SCARF2: variants seen among roughly 807,000 people sequenced by gnomAD.
SCARF2 encodes scavenger receptor expressed by endothelial cells 2 protein.
SCARF2 carries 39 observed loss-of-function variants against 73.4 expected under a neutral mutation model. The ratio of observed to expected loss-of-function variants is 0.53; its 90% CI spans 0.41 to 0.69. SCARF2 has a LOEUF of 0.69. SCARF2 is among the 30% of genes least tolerant of loss of function. SCARF2 has a pLI of 0.00. For synonymous variants in SCARF2, 605 were observed against 590.0 expected (o/e 1.03, Z -0.37); for missense variants, 1,148 against 1,303.5 (o/e 0.88, Z 1.84).
At chr22:20,426,702 C>T (rs574917040) in intron 10 of SCARF2, among the ~76,000 whole-genome samples, 3 of 151,778 alleles carry the variant, frequency 2.0e-5, no homozygotes, top group South Asian at 2.1e-4. Flanking sequence ...TGGGAGGCTG[C>T]GGTCACCTGA....
chr22:20,425,390 G>A lies in SCARF2; in HGVS notation c.2586C>T (p.Gly862=). 1.4e-6 allele frequency: 2 copies of A among 1,419,658 alleles called. No individual in the cohort carries two copies. The highest frequency in any genetic ancestry group is 1.4e-5 in the South Asian group (1 of 69,246). 87.9% of individuals were successfully genotyped at this position (1,419,658 alleles called of 1,614,324 possible). A position where few individuals can be genotyped will look rare whatever the true frequency, so the allele number is the denominator to read the frequency against. Residue 862 remains glycine (G), a synonymous_variant, in exon 11 of 11, where the codon GGC becomes GGT. Coordinates refer to ENST00000622235, the MANE Select transcript of SCARF2 (RefSeq NM_182895.5). The surrounding 1 kb of genome is among the most constrained non-coding windows in gnomAD (Gnocchi z 4.6). ...CCACAGCCTGCTACAGGGTGGGTGC[G>A]CCCGCCCTGCCCAGCTCGCCCGCCG... The part of the protein sequence containing the change: ...REAAGELGRA[G]APTL
At position 20,429,983 on chromosome 22, in the gene SCARF2, C is replaced by T; in HGVS notation, c.1203-150G>A. Reference sequence around the variant, plus strand: ...TCGTCGTCTAGGGATTGAAGCCCCGCCCCGCCCGTGGCACATATTGGGTAG... The same window carrying T: ...TCGTCGTCTAGGGATTGAAGCCCCGTCCCGCCCGTGGCACATATTGGGTAG... On this transcript the variant is annotated intron_variant, in intron 6 of 10. Transcript: ENST00000622235. The surrounding 1 kb of genome is among the most constrained non-coding windows in gnomAD (Gnocchi z 5.2). The T allele has an allele frequency of 1.3e-6, 1 of 749,446 alleles. No individual in the cohort carries two copies. The highest frequency in any genetic ancestry group is 1.7e-5 in the South Asian group (1 of 58,114). 46.4% of individuals were successfully genotyped at this position (749,446 alleles called of 1,614,324 possible).
chr22:20,427,834 G>A (rs117505764), intron 9 of SCARF2, among the ~76,000 whole-genome samples: 1 of 152,334 alleles, frequency 6.6e-6, no homozygotes, highest in East Asian at 1.9e-4. Context: ...TTGAGAAAAG[G>A]CCAGAAAGGT....
Position 20,425,927 on chromosome 22 carries a change from TG to T in SCARF2, c.2048del (p.Pro683HisfsTer256). On this transcript the variant is annotated frameshift_variant, in exon 11 of 11. Coordinates refer to ENST00000622235, the MANE Select transcript of SCARF2 (RefSeq NM_182895.5). LOFTEE classifies it low-confidence loss of function (END_TRUNC). This position sits in a 1 kb window ranked among gnomAD's most constrained non-coding sequence, Gnocchi z 4.6. ...GCGCGGCCTCGGAGCCTGGCGGCGG[TG>T]GTGAGGGCGCACGGCCAGCTGCAGC... ...SAAAAGRAPS[P>X]PPPGSEAAPS... The T allele has an allele frequency of 6.3e-7, 1 of 1,596,388 alleles. No homozygotes were observed. The highest frequency in any genetic ancestry group is 8.5e-7 in the Non-Finnish European group (1 of 1,175,068).
In SCARF2 at chr22:20,433,994, G is replaced by A. The variant is rs1004563340; in HGVS notation, c.174-2006C>T. On this transcript the variant is annotated intron_variant, in intron 1 of 10. Transcript: ENST00000622235. Reference sequence around the variant, plus strand: ...ATAAGGCTCTGTGGCTAGGACCCTCGTTTTAGGGCCACACTCAGCTGGGTT... The same window carrying A: ...ATAAGGCTCTGTGGCTAGGACCCTCATTTTAGGGCCACACTCAGCTGGGTT... Among the ~76,000 whole-genome samples, 5 of 152,208 alleles carry A rather than the reference G, an allele frequency of 3.3e-5. 1 individual carries two copies. The South Asian group carries it at 6.2e-4, about 19-fold the overall frequency.
rs138202975 is a variant in SCARF2 at position 20,427,188 on chromosome 22, G to A, written c.1693+210C>T. Among the ~76,000 whole-genome samples, 176 of 148,816 alleles carry A rather than the reference G, an allele frequency of 1.2e-3. 2 individuals carry two copies. The highest frequency in any genetic ancestry group is 3.5e-3 in the Middle Eastern group (1 of 286). Reference sequence around the variant, plus strand: ...CCCCCAGGAGCAACCCTGGGCTGTGGCCTACCCATCTCCCCACACCTGTCT... The same window carrying A: ...CCCCCAGGAGCAACCCTGGGCTGTGACCTACCCATCTCCCCACACCTGTCT... On this transcript the variant is annotated intron_variant, in intron 10 of 10. Coordinates refer to ENST00000622235, the MANE Select transcript of SCARF2 (RefSeq NM_182895.5).
chr22:20,429,797 C>T lies in SCARF2; in HGVS notation c.1239G>A (p.Ala413=). 2 of 1,613,356 alleles carry T rather than the reference C, an allele frequency of 1.2e-6. No homozygotes were observed. The highest frequency in any genetic ancestry group is 8.5e-7 in the Non-Finnish European group (1 of 1,179,880). The change falls in exon 7 of 11, where the codon GCG becomes GCA. Residue 413 remains alanine (A), a synonymous_variant. Coordinates refer to ENST00000622235, the MANE Select transcript of SCARF2 (RefSeq NM_182895.5). This position sits in a 1 kb window ranked among gnomAD's most constrained non-coding sequence, Gnocchi z 5.2. Reference sequence around the variant, plus strand: ...GGCAGCTGCAGGCCTGAGCACAGTCCGCGCCGTGGAGTCCGGGCGGGCACG... The same window carrying T: ...GGCAGCTGCAGGCCTGAGCACAGTCTGCGCCGTGGAGTCCGGGCGGGCACG... The part of the protein sequence containing the change: ...NVTCPPGLHG[A]DCAQACSCHE...
chr22:20,434,506 A>T (rs1275322437), intron 1 of SCARF2, among the ~76,000 whole-genome samples: 1 of 152,226 alleles, frequency 6.6e-6, no homozygotes, highest in Non-Finnish European at 1.5e-5. Flanking sequence ...CCAGCAGGAC[A>T]GAGTCCATTT....
At position 20,432,045 on chromosome 22, in the gene SCARF2, T is replaced by C. The variant is rs1023655106; in HGVS notation, c.174-57A>G. 11 of 1,535,092 alleles carry C rather than the reference T, an allele frequency of 7.2e-6. No homozygotes were observed. The African/African-American group carries it at 1.5e-4, about 21-fold the overall frequency. ...TGCCCCTCCCCCAGCCCCCATCTGC[T>C]CCGGGCTCCTCCGCAGCCTCCGCAC... is the stretch of plus-strand genomic sequence containing the variant. On this transcript the variant is annotated intron_variant, in intron 1 of 10. Coordinates refer to ENST00000622235, the MANE Select transcript of SCARF2 (RefSeq NM_182895.5).
Position 20,425,195 on chromosome 22 carries a change from C to A in SCARF2, c.*180G>T, listed in dbSNP as rs1168079735. 5 of 473,538 alleles carry A rather than the reference C, an allele frequency of 1.1e-5. No individual in the cohort carries two copies. The highest frequency in any genetic ancestry group is 6.8e-6 in the Non-Finnish European group (2 of 293,346). The allele number at this position is 473,538 out of a possible 1,614,324, so 29.3% of individuals were successfully genotyped here. A position where few individuals can be genotyped will look rare whatever the true frequency, so the allele number is the denominator to read the frequency against. On this transcript the variant is annotated 3_prime_UTR_variant, in exon 11 of 11. Transcript: ENST00000622235. The surrounding 1 kb of genome is among the most constrained non-coding windows in gnomAD (Gnocchi z 4.6). ...GACCAACGGGATGGGCCCTTCCCGC[C>A]AGAGCACACTGCTCCAATCCAGGAG... is the stretch of plus-strand genomic sequence containing the variant.
rs1055702920 is a variant in SCARF2, at chr22:20,430,573, G to A, written c.1074-16C>T. The A allele has an allele frequency of 6.2e-7, 1 of 1,612,014 alleles. No homozygotes were observed. Among genetic ancestry groups the A allele is most frequent in the Non-Finnish European group, 8.5e-7 (1 of 1,179,378 alleles). On this transcript the variant is annotated splice_polypyrimidine_tract_variant and intron_variant, in intron 5 of 10. Coordinates refer to ENST00000622235, the MANE Select transcript of SCARF2 (RefSeq NM_182895.5). ...GGTCTCGCACCTTGGAAAGAGGGGA[G>A]GAGGCGTCAGCAGAAATGGAGGCAA...
chr22:20,425,441 C>A lies in SCARF2; in HGVS notation c.2535G>T (p.Lys845Asn). The change falls in exon 11 of 11, where the codon AAG becomes AAT. Residue 845 changes from lysine to asparagine, a missense_variant. Around this residue, in one of 5 missense-constraint regions of SCARF2, gnomAD observed 169 missense variants for 136.9 expected, o/e 1.23. Coordinates refer to ENST00000622235, the MANE Select transcript of SCARF2 (RefSeq NM_182895.5). This position sits in a 1 kb window ranked among gnomAD's most constrained non-coding sequence, Gnocchi z 4.6. ...ETPRKKTPIQKPPRKKSREAA... is the reference protein window; with the variant it reads ...ETPRKKTPIQNPPRKKSREAA... ...CCTCCCGGCTCTTCTTGCGCGGCGG[C>A]TTCTGGATGGGGGTCTTCTTCCGGG... 7.0e-7 allele frequency: 1 copy of A among 1,427,800 alleles called. No homozygotes were observed. Among genetic ancestry groups the A allele is most frequent in the Non-Finnish European group, 9.2e-7 (1 of 1,088,642 alleles). 88.4% of individuals were successfully genotyped at this position (1,427,800 alleles called of 1,614,324 possible). A position where few individuals can be genotyped will look rare whatever the true frequency, so the allele number is the denominator to read the frequency against.
intron 1 of SCARF2, among the ~76,000 whole-genome samples, chr22:20,435,198 T>G (rs1275992818): frequency 6.6e-6 from 1 of 152,200 alleles, no homozygotes; most frequent in East Asian, 1.9e-4. Context: ...GCTGGGAAGC[T>G]GAGACCTGGA....
In SCARF2 at chr22:20,431,971, C is replaced by G; in HGVS notation, c.191G>C (p.Cys64Ser). 6.2e-7 allele frequency: 1 copy of G among 1,611,318 alleles called. No homozygotes were observed. The highest frequency in any genetic ancestry group is 8.5e-7 in the Non-Finnish European group (1 of 1,179,584). ...CRAPGSQVPT[C>S]CAGWRQQGDE... ...CCCTTGCTGCCTCCAGCCAGCGCAG[C>G]ACGTGGGCACCTGGGAGCTGCGAGC... The change falls in exon 2 of 11, where the codon TGC (cysteine) becomes TCC (serine). Residue 64 changes from cysteine (C) to serine (S), a missense_variant. By Grantham distance (112) the Cys-to-Ser change is moderately radical. Around this residue, in one of 5 missense-constraint regions of SCARF2, gnomAD observed 124 missense variants for 120.4 expected, o/e 1.03. Transcript: ENST00000622235.
rs1256920438 is a variant in SCARF2, at chr22:20,429,446, C to A, written c.1424+90G>T. 1.9e-6 allele frequency: 3 copies of A among 1,571,604 alleles called. No individual in the cohort carries two copies. The highest frequency in any genetic ancestry group is 2.6e-6 in the Non-Finnish European group (3 of 1,160,936). Reference sequence around the variant, plus strand: ...AGAAGGGGCGGGGCCACGTCCGGGGCAGGGGCGCGGAAGGGTTGGATCTGG... The same window carrying A: ...AGAAGGGGCGGGGCCACGTCCGGGGAAGGGGCGCGGAAGGGTTGGATCTGG... On this transcript the variant is annotated intron_variant, in intron 8 of 10. Coordinates refer to ENST00000622235, the MANE Select transcript of SCARF2 (RefSeq NM_182895.5). The surrounding 1 kb of genome is among the most constrained non-coding windows in gnomAD (Gnocchi z 5.2).
At chr22:20,436,502 C>T (rs529505574) in intron 1 of SCARF2, among the ~76,000 whole-genome samples, 167 of 152,086 alleles carry the variant, frequency 1.1e-3, no homozygotes, top group African/African-American at 3.6e-3. Flanking sequence ...AGGCGGGGCT[C>T]GCAGCGGGGA....
rs1382298504 is a variant in SCARF2 at position 20,429,476 on chromosome 22, G to A, written c.1424+60C>T. 1 of 1,598,362 alleles carries A rather than the reference G, an allele frequency of 6.3e-7. No homozygotes were observed. Among genetic ancestry groups the A allele is most frequent in the South Asian group, 1.1e-5 (1 of 89,968 alleles). On this transcript the variant is annotated intron_variant, in intron 8 of 10. Transcript: ENST00000622235. This position sits in a 1 kb window ranked among gnomAD's most constrained non-coding sequence, Gnocchi z 5.2. Reference sequence around the variant, plus strand: ...GCGCGGAAGGGTTGGATCTGGGTCCGGTGGCACCCAGAGGGTGCGGCCTGA... The same window carrying A: ...GCGCGGAAGGGTTGGATCTGGGTCCAGTGGCACCCAGAGGGTGCGGCCTGA...
At chr22:20,426,944 G>A (rs909164576) in intron 10 of SCARF2, among the ~76,000 whole-genome samples, 3 of 149,556 alleles carry the variant, frequency 2.0e-5, no homozygotes, top group South Asian at 2.1e-4. Flanking sequence ...AAAAAAGAGC[G>A]ATAAGGCTTC....
intron 9 of SCARF2, among the ~76,000 whole-genome samples, chr22:20,428,292 CTCTTCTCTTT>C (rs1453154539): frequency 7.6e-6 from 1 of 131,796 alleles, no homozygotes; most frequent in Non-Finnish European, 1.6e-5. Context: ...CTCCTCTCTT[CTCTTCTCTTT>C]TTTCTTGACA....
Sources: gnomAD v4.1 joint callset for allele counts (sites outside exome capture counted in the v4.1 genomes callset) on GRCh38, gnomAD v4.1.1 for gene constraint, gnomAD v4.1.1 regional missense constraint, Gnocchi (gnomAD v3.1) non-coding constraint, MANE v1.5 for transcripts, NCBI Gene and HGNC (gene_info 2026-07-23, HGNC 2026-07-21) for gene names.